Variants in DLC1 observed in about 807,000 individuals in gnomAD.
DLC1 encodes the protein DLC1 Rho GTPase activating protein, also known as rho GTPase-activating protein 7.
DLC1 carries 54 observed loss-of-function variants against 140.3 expected under a neutral mutation model. The ratio of observed to expected loss-of-function variants is 0.38; its 90% CI spans 0.31 to 0.48. The LOEUF is 0.48. DLC1 is among the 20% of genes least tolerant of loss of function. DLC1 has a pLI of 0.96. For synonymous variants in DLC1, 986 were observed against 728.1 expected (o/e 1.35, Z -5.70); for missense variants, 2,536 against 1,907.0 (o/e 1.33, Z -6.14).
intron 5 of DLC1, chr8:13,133,318 C>T (rs1022141799): frequency 8.3e-7 from 1 of 1,197,734 alleles, no homozygotes; most frequent in East Asian, 5.3e-5. Context: ...CAGCCGGGCC[C>T]TCCCGCTGGG....
chr8:13,362,952 G>A lies in DLC1; in HGVS notation c.1314+30601C>T, dbSNP rs370398436. On this transcript the variant is annotated intron_variant, in intron 4 of 17. Coordinates refer to ENST00000276297, the MANE Select transcript of DLC1 (RefSeq NM_182643.3). ...TACCAATGTTACTCCCCACATCTCT[G>A]TTTTCTCGATTACATCTTTCTATTC... 3.3e-5 allele frequency among the ~76,000 whole-genome samples: 5 copies of A among 152,062 alleles called. No homozygotes were observed. The East Asian group carries it at 7.7e-4, about 23-fold the overall frequency.
intron 4 of DLC1, among the ~76,000 whole-genome samples, chr8:13,391,071 A>G (rs964263099): frequency 6.6e-6 from 1 of 152,190 alleles, no homozygotes; most frequent in Non-Finnish European, 1.5e-5. Flanking sequence ...AAATTTCGTA[A>G]AAGTCGATTG....
intron 1 of DLC1, among the ~76,000 whole-genome samples, chr8:13,536,716 A>G (rs752716429): frequency 3.9e-5 from 6 of 152,176 alleles, no homozygotes; most frequent in South Asian, 2.1e-4. Context: ...CCAGCCTTGT[A>G]CAGGGATCTA....
At chr8:13,121,545 GTTTTC>G (rs1359454735) in intron 5 of DLC1, among the ~76,000 whole-genome samples, 5 of 152,008 alleles carry the variant, frequency 3.3e-5, no homozygotes, top group East Asian at 1.9e-4. Flanking sequence ...GCGCTGGGGA[GTTTTC>G]TTTTCTTTTC....
At chr8:13,200,921 T>C (rs1827347768) in intron 5 of DLC1, among the ~76,000 whole-genome samples, 1 of 152,150 alleles carries the variant, frequency 6.6e-6, no homozygotes, top group African/African-American at 2.4e-5. Flanking sequence ...TTTACGCATA[T>C]TATAGAACCT....
intron 2 of DLC1, among the ~76,000 whole-genome samples, chr8:13,495,255 C>A (rs1030584755): frequency 2.6e-5 from 4 of 152,142 alleles, no homozygotes; most frequent in African/African-American, 7.2e-5. Context: ...TAATTAGTAA[C>A]CCACTTCTTT....
At chr8:13,130,618 T>A (rs1822000275) in intron 5 of DLC1, among the ~76,000 whole-genome samples, 1 of 152,220 alleles carries the variant, frequency 6.6e-6, no homozygotes. Context: ...AAACACTGCC[T>A]TCATAGTTAG....
chr8:13,430,726 G>T (rs903065697), intron 2 of DLC1, among the ~76,000 whole-genome samples: 1 of 152,152 alleles, frequency 6.6e-6, no homozygotes, highest in African/African-American at 2.4e-5. Context: ...AGGCTGAAAA[G>T]AATCAACATT....
intron 5 of DLC1, among the ~76,000 whole-genome samples, chr8:13,133,856 G>A (rs1822348634): frequency 6.6e-6 from 1 of 152,112 alleles, no homozygotes; most frequent in African/African-American, 2.4e-5. Context: ...CTGTAAAAAC[G>A]AGCGAAGGGT....
intron 5 of DLC1, among the ~76,000 whole-genome samples, chr8:13,209,538 T>G (rs1417887557): frequency 1.3e-5 from 2 of 152,072 alleles, no homozygotes; most frequent in Non-Finnish European, 2.9e-5. Flanking sequence ...TGTGATACAG[T>G]TTGGATGTTG....
At chr8:13,224,420 G>C (rs1181193321) in intron 5 of DLC1, among the ~76,000 whole-genome samples, 1 of 152,144 alleles carries the variant, frequency 6.6e-6, no homozygotes, top group Non-Finnish European at 1.5e-5. Flanking sequence ...TTAAGGGCTT[G>C]AGAATCCAAG....
At chr8:13,307,074 A>AGG (rs1326193565) in intron 4 of DLC1, among the ~76,000 whole-genome samples, 2 of 99,312 alleles carry the variant, frequency 2.0e-5, no homozygotes, top group Admixed American at 2.6e-4. Flanking sequence ...ACAGAGAGAG[A>AGG]CTCTGTCAAA....
At chr8:13,164,211 C>T (rs1449676820) in intron 5 of DLC1, among the ~76,000 whole-genome samples, 3 of 151,912 alleles carry the variant, frequency 2.0e-5, no homozygotes, top group Non-Finnish European at 2.9e-5. Context: ...GCAGGATAAT[C>T]GTTTAAACCT....
intron 5 of DLC1, among the ~76,000 whole-genome samples, chr8:13,213,572 T>C (rs745419729): frequency 2.6e-5 from 4 of 152,188 alleles, no homozygotes; most frequent in Non-Finnish European, 5.9e-5. Context: ...GAATTAAATA[T>C]GAAACTTGAG....
rs528576892 is a variant in DLC1, at chr8:13,397,516, G to T, written c.1174-3823C>A. ...AGAGAAGGAGTGAGGAAAAATGATG[G>T]CGCAATAACCAATAATTAAATTAAG... On this transcript the variant is annotated intron_variant, in intron 3 of 17. Transcript: ENST00000276297. Among the ~76,000 whole-genome samples, 3 of 152,076 alleles carry T rather than the reference G, an allele frequency of 2.0e-5. No individual in the cohort carries two copies. In the South Asian group the frequency reaches 6.3e-4, roughly 32 times the overall value.
At position 13,470,713 on chromosome 8, in the gene DLC1, G is replaced by A. The variant is rs879887504; in HGVS notation, c.1023+28336C>T. Among the ~76,000 whole-genome samples the A allele has an allele frequency of 1.6e-4, 24 of 152,162 alleles. 1 individual carries two copies. Among genetic ancestry groups the A allele is most frequent in the Admixed American group, 1.2e-3 (18 of 15,272 alleles). On this transcript the variant is annotated intron_variant, in intron 2 of 17. Coordinates refer to ENST00000276297, the MANE Select transcript of DLC1 (RefSeq NM_182643.3). ...TAGCCATATAGCCATATGGAAAACA[G>A]TATGGAGGTCCTAAAAAATGGATAA...
chr8:13,086,551 T>C, intron 16 of DLC1, 88 bp from the exon 17 acceptor site: 1 of 1,490,452 alleles, frequency 6.7e-7, no homozygotes, highest in Non-Finnish European at 9.1e-7. Flanking sequence ...ATTTGCAGTG[T>C]GGTGACGGGT....
chr8:13,330,572 C>A, intron 4 of DLC1, among the ~76,000 whole-genome samples: 1 of 152,104 alleles, frequency 6.6e-6, no homozygotes, highest in South Asian at 2.1e-4. Flanking sequence ...ACATTCAAAC[C>A]AGTCACTAGC....
At chr8:13,389,318 C>G (rs1836651356) in intron 4 of DLC1, among the ~76,000 whole-genome samples, 1 of 152,072 alleles carries the variant, frequency 6.6e-6, no homozygotes, top group Admixed American at 6.5e-5. Flanking sequence ...ATACCAGGAA[C>G]AACTCAAGCC....
Sources: allele counts gnomAD v4.1 joint callset (sites outside exome capture counted in the v4.1 genomes callset), GRCh38; gene constraint gnomAD v4.1.1; transcripts MANE v1.5; gene names NCBI Gene and HGNC (gene_info 2026-07-23, HGNC 2026-07-21).